Variants in EFL1 observed in about 807,000 individuals in gnomAD.
The protein encoded by EFL1 is elongation factor like GTPase 1.
In EFL1, 76 loss-of-function variants were observed where a neutral mutation model predicts 126.7. That is an observed-to-expected ratio of 0.60 (90% CI 0.50 to 0.73). EFL1 has a LOEUF of 0.73. EFL1 is among the 30% of genes least tolerant of loss of function. The pLI is 0.00. For synonymous variants in EFL1, 410 were observed against 448.4 expected (o/e 0.91, Z 1.08); for missense variants, 1,128 against 1,343.2 (o/e 0.84, Z 2.50).
At chr15:82,176,530 G>A (rs2074197677) in intron 15 of EFL1, among the ~76,000 whole-genome samples, 2 of 152,086 alleles carry the variant, frequency 1.3e-5, no homozygotes, top group African/African-American at 4.8e-5. Flanking sequence ...AGACTTAACA[G>A]GCATCCCACA....
At chr15:82,198,038 C>G (rs1054326396) in intron 15 of EFL1, among the ~76,000 whole-genome samples, 1 of 152,144 alleles carries the variant, frequency 6.6e-6, no homozygotes, top group African/African-American at 2.4e-5. Context: ...ATTCATATGC[C>G]GTTAACCCTA....
intron 4 of EFL1, among the ~76,000 whole-genome samples, chr15:82,250,562 G>A (rs1013422164): frequency 1.3e-5 from 2 of 149,508 alleles, no homozygotes; most frequent in African/African-American, 5.0e-5. Flanking sequence ...GGATAATAGG[G>A]TAAGAAGTCA....
chr15:82,182,717 C>T (rs1364064722), intron 15 of EFL1, among the ~76,000 whole-genome samples: 2 of 151,502 alleles, frequency 1.3e-5, no homozygotes, highest in East Asian at 1.9e-4. Context: ...CCCAGCTACT[C>T]GGGAGTCTGA....
chr15:82,250,665 C>CA (rs1412500780), intron 4 of EFL1, among the ~76,000 whole-genome samples: 1 of 152,092 alleles, frequency 6.6e-6, no homozygotes, highest in East Asian at 1.9e-4. Context: ...GAAATACAAA[C>CA]AGACACCCAA....
At chr15:82,239,973 T>C (rs1233091349) in intron 6 of EFL1, among the ~76,000 whole-genome samples, 1 of 152,220 alleles carries the variant, frequency 6.6e-6, no homozygotes, top group Non-Finnish European at 1.5e-5. Context: ...TCCTTGAAAA[T>C]AGGGATTCTG....
intron 18 of EFL1, among the ~76,000 whole-genome samples, chr15:82,140,309 T>A (rs1280808479): frequency 2.0e-5 from 3 of 152,190 alleles, no homozygotes; most frequent in Admixed American, 6.5e-5. Context: ...CACAATAATT[T>A]TCATGTTCCT....
At chr15:82,192,403 A>T (rs1340294038) in intron 15 of EFL1, among the ~76,000 whole-genome samples, 2 of 147,642 alleles carry the variant, frequency 1.4e-5, no homozygotes, top group Non-Finnish European at 3.0e-5. Context: ...TTCCGTCTCA[A>T]AAAAAAAAAA....
At position 82,249,522 on chromosome 15, in the gene EFL1, C is replaced by T. The variant is rs569131723; in HGVS notation, c.244+3169G>A. 5.3e-5 allele frequency among the ~76,000 whole-genome samples: 8 copies of T among 152,056 alleles called. No homozygotes were observed. The South Asian group carries it at 1.7e-3, about 32-fold the overall frequency. ...TTTTGATGAATTTCAAATTATTTAA[C>T]CCATGTGAATCTATTTCTCTCTTCT... On this transcript the variant is annotated intron_variant, in intron 4 of 19. Coordinates refer to ENST00000268206, the MANE Select transcript of EFL1 (RefSeq NM_024580.6).
intron 11 of EFL1, 23 bp from the exon 12 acceptor site, chr15:82,225,287 T>C: frequency 6.7e-7 from 1 of 1,484,722 alleles, no homozygotes; most frequent in Non-Finnish European, 9.1e-7. Context: ...GAAGTAAAAA[T>C]GTCACTATTT....
intron 15 of EFL1, among the ~76,000 whole-genome samples, chr15:82,170,366 G>T (rs986638603): frequency 6.6e-6 from 1 of 151,816 alleles, no homozygotes; most frequent in South Asian, 2.1e-4. Context: ...CGCCCGCCTC[G>T]GCCTCCCAAA....
chr15:82,206,845 G>A (rs1476861025), intron 15 of EFL1, among the ~76,000 whole-genome samples: 3 of 152,000 alleles, frequency 2.0e-5, no homozygotes, highest in Non-Finnish European at 2.9e-5. Flanking sequence ...AAACAGACTA[G>A]AGAACAATAA....
In EFL1 at chr15:82,213,412, G is replaced by A. The variant is rs558281621; in HGVS notation, c.1750+1305C>T. The stretch of plus-strand genomic sequence containing the variant: ...AGAGCCAAGGCTGCCTTGGGAAGCA[G>A]AAGAGAGAGAAATGGTATCTCTCCT... On this transcript the variant is annotated intron_variant, in intron 15 of 19. Transcript: ENST00000268206. 7.9e-5 allele frequency among the ~76,000 whole-genome samples: 12 copies of A among 152,312 alleles called. 1 individual carries two copies. Among genetic ancestry groups the A allele is most frequent in the African/African-American group, 2.9e-4 (12 of 41,570 alleles).
At chr15:82,262,333 G>A (rs1198931307) in intron 1 of EFL1, 1 of 154,144 alleles carries the variant, frequency 6.5e-6, no homozygotes, top group African/African-American at 2.4e-5. Context: ...GTGCACTGCC[G>A]GTCTTTCATT....
intron 15 of EFL1, among the ~76,000 whole-genome samples, chr15:82,196,004 T>TG (rs1274205137): frequency 6.6e-6 from 1 of 151,958 alleles, no homozygotes; most frequent in Non-Finnish European, 1.5e-5. Context: ...CAAGAGGCGG[T>TG]GACATTTAGC....
At chr15:82,208,178 A>G (rs769103711) in intron 15 of EFL1, among the ~76,000 whole-genome samples, 9 of 152,254 alleles carry the variant, frequency 5.9e-5, no homozygotes, top group Non-Finnish European at 1.2e-4. Flanking sequence ...ACAAATATAC[A>G]GAACTGAAAA....
chr15:82,197,538 T>C (rs1215551595), intron 15 of EFL1, among the ~76,000 whole-genome samples: 2 of 152,228 alleles, frequency 1.3e-5, no homozygotes, highest in Admixed American at 6.5e-5. Context: ...AGGATATTAG[T>C]GATATTTTAT....
chr15:82,231,716 C>G (rs141699043), intron 7 of EFL1, among the ~76,000 whole-genome samples: 2,720 of 151,512 alleles, frequency 0.018, 28 homozygotes, highest in Non-Finnish European at 0.026. Context: ...AAAGCCCAAC[C>G]TAATGCAATC....
intron 12 of EFL1, among the ~76,000 whole-genome samples, chr15:82,223,090 T>C (rs552651534): frequency 3.3e-5 from 5 of 152,258 alleles, no homozygotes; most frequent in Non-Finnish European, 4.4e-5. Context: ...CCGAATCCTG[T>C]TTCCTGCCTT....
intron 15 of EFL1, among the ~76,000 whole-genome samples, chr15:82,196,001 C>T (rs567458440): frequency 6.6e-6 from 1 of 152,140 alleles, no homozygotes; most frequent in African/African-American, 2.4e-5. Flanking sequence ...TTCCAAGAGG[C>T]GGTGACATTT....
Sources: allele counts gnomAD v4.1 joint callset (sites outside exome capture counted in the v4.1 genomes callset), GRCh38; gene constraint gnomAD v4.1.1; transcripts MANE v1.5; gene names NCBI Gene and HGNC (gene_info 2026-07-23, HGNC 2026-07-21).